BLMH: variants seen among roughly 807,000 people sequenced by gnomAD.
BLMH encodes the protein BLM hydrolase.
BLMH carries 32 observed loss-of-function variants against 61.6 expected under a neutral mutation model. The ratio of observed to expected loss-of-function variants is 0.52; its 90% CI spans 0.39 to 0.70. The LOEUF is 0.70. Among genes scored for constraint, BLMH ranks in the 30% least tolerant of loss-of-function variants. The probability of loss-of-function intolerance (pLI) is 0.00; values close to 1 mark genes in which losing one functional copy is unlikely to be tolerated. For missense variants in BLMH, 460 were observed against 555.5 expected, an observed-to-expected ratio of 0.83 and a Z score of 1.73; for synonymous variants, 183 against 193.8, an observed-to-expected ratio of 0.94 and a Z score of 0.46.
In BLMH at chr17:30,285,493, C is replaced by A; in HGVS notation, c.553-13G>T. 1 of 1,590,556 alleles carries A rather than the reference C, an allele frequency of 6.3e-7. No homozygotes were observed. The highest frequency in any genetic ancestry group is 1.1e-5 in the South Asian group (1 of 88,108). On this transcript the variant is annotated splice_polypyrimidine_tract_variant and intron_variant, in intron 5 of 11. Transcript: ENST00000261714. ...AGAATTCTCTCATCTATGACAGAAA[C>A]TTATTCAGCACTCCAACAGTTACCC...
At chr17:30,256,189 C>T (rs948283406) in intron 11 of BLMH, among the ~76,000 whole-genome samples, 1 of 152,272 alleles carries the variant, frequency 6.6e-6, no homozygotes, top group Admixed American at 6.5e-5. Context: ...ACCTAGCCCT[C>T]TGCGCATTTT....
At chr17:30,250,900 G>A (rs1907652019) in intron 11 of BLMH, among the ~76,000 whole-genome samples, 1 of 152,068 alleles carries the variant, frequency 6.6e-6, no homozygotes, top group South Asian at 2.1e-4. Context: ...TATTATACTC[G>A]GCCATAAAAA....
At position 30,285,443 on chromosome 17, in the gene BLMH, T is replaced by C. The variant is rs1306854070; in HGVS notation, c.590A>G (p.His197Arg). The change falls in exon 6 of 12, where the codon CAC becomes CGC. Residue 197 changes from histidine (H) to arginine (R), a missense_variant. By Grantham distance (29) the His-to-Arg change is conservative. Coordinates refer to ENST00000261714, the MANE Select transcript of BLMH (RefSeq NM_000386.4). ...GATTTCTCCTTTGGTTGCTCCACTG[T>C]GTACCAGGTTCCGCAGTCGTATACA... ...EFCIRLRNLV[H>R]SGATKGEISA... 1 of 1,613,160 alleles carries C rather than the reference T, an allele frequency of 6.2e-7. No homozygotes were observed. Among genetic ancestry groups the C allele is most frequent in the Non-Finnish European group, 8.5e-7 (1 of 1,179,512 alleles).
chr17:30,267,271 T>C (rs1363803412), intron 10 of BLMH, among the ~76,000 whole-genome samples: 1 of 152,222 alleles, frequency 6.6e-6, no homozygotes, highest in Non-Finnish European at 1.5e-5. Flanking sequence ...AAATGCTACT[T>C]GACTAAGAAA....
intron 11 of BLMH, among the ~76,000 whole-genome samples, chr17:30,253,538 G>A (rs535706797): frequency 3.3e-5 from 5 of 152,134 alleles, no homozygotes; most frequent in Non-Finnish European, 7.4e-5. Context: ...AGAAGATTAG[G>A]ATCAGTGTGT....
intron 9 of BLMH, among the ~76,000 whole-genome samples, chr17:30,272,022 A>G (rs1217675215): frequency 6.6e-6 from 1 of 152,190 alleles, no homozygotes; most frequent in Non-Finnish European, 1.5e-5. Flanking sequence ...TCAACTTCCT[A>G]CAAGTAACAA....
intron 6 of BLMH, among the ~76,000 whole-genome samples, chr17:30,275,035 G>C (rs1445021921): frequency 6.8e-6 from 1 of 146,312 alleles, no homozygotes; most frequent in Non-Finnish European, 1.5e-5. Context: ...GCTGAGTCAT[G>C]GTTTAAAAAA....
intron 11 of BLMH, among the ~76,000 whole-genome samples, chr17:30,254,536 T>A (rs1907762153): frequency 6.6e-6 from 1 of 151,958 alleles, no homozygotes; most frequent in Admixed American, 6.6e-5. Flanking sequence ...TGATAAAAAA[T>A]AGATTAGAGT....
intron 11 of BLMH, among the ~76,000 whole-genome samples, chr17:30,265,966 G>T (rs1045667868): frequency 2.0e-5 from 3 of 152,062 alleles, no homozygotes; most frequent in African/African-American, 7.3e-5. Flanking sequence ...GATTATTAGA[G>T]ACTTTTTATC....
At chr17:30,281,908 C>A (rs113469539) in intron 6 of BLMH, among the ~76,000 whole-genome samples, 9 of 152,210 alleles carry the variant, frequency 5.9e-5, no homozygotes, top group Admixed American at 1.3e-4. Context: ...TCCAGGGAAA[C>A]TGACTTTGTG....
At chr17:30,275,326 C>T (rs963662438) in intron 6 of BLMH, among the ~76,000 whole-genome samples, 10 of 152,240 alleles carry the variant, frequency 6.6e-5, no homozygotes, top group African/African-American at 1.9e-4. Flanking sequence ...AACATCATTA[C>T]GATCCAAGGA....
chr17:30,273,918 A>G (rs1908347743), intron 7 of BLMH, 124 bp downstream of exon 7: 1 of 1,231,652 alleles, frequency 8.1e-7, no homozygotes, highest in Non-Finnish European at 1.2e-6. Flanking sequence ...GGAAGTGGGG[A>G]AAAATGTTTG....
At chr17:30,253,657 G>A (rs1907733169) in intron 11 of BLMH, among the ~76,000 whole-genome samples, 1 of 152,046 alleles carries the variant, frequency 6.6e-6, no homozygotes, top group Admixed American at 6.6e-5. Flanking sequence ...CTGGCCGTGA[G>A]ACACAAGCAT....
intron 11 of BLMH, among the ~76,000 whole-genome samples, chr17:30,250,539 C>A (rs1250104514): frequency 6.6e-6 from 1 of 152,156 alleles, no homozygotes; most frequent in East Asian, 1.9e-4. Context: ...CAATGTGATA[C>A]CACCTTACTC....
chr17:30,291,318 C>G lies in BLMH; in HGVS notation c.204G>C (p.Lys68Asn). 1 of 1,612,118 alleles carries G rather than the reference C, an allele frequency of 6.2e-7. No individual in the cohort carries two copies. Among genetic ancestry groups the G allele is most frequent in the Non-Finnish European group, 8.5e-7 (1 of 1,179,854 alleles). ...PQEGKPITNQ[K>N]SSGRCWIFSC... ...AGAAGTGGAAGCCCACACCTGAGCT[C>G]TTCTGGTTGGTGATTGGCTTGCCCT... Residue 68 changes from lysine to asparagine, a missense_variant, in exon 2 of 12, where the codon AAG becomes AAC. By Grantham distance (94) the Lys-to-Asn change is moderately conservative. Coordinates refer to ENST00000261714, the MANE Select transcript of BLMH (RefSeq NM_000386.4).
intron 11 of BLMH, among the ~76,000 whole-genome samples, chr17:30,262,293 A>G (rs1349706433): frequency 6.6e-6 from 1 of 152,208 alleles, no homozygotes; most frequent in Non-Finnish European, 1.5e-5. Context: ...TAAGTGAACC[A>G]ATCACAAAGA....
Position 30,268,704 on chromosome 17 carries a change from TTTTG to T in BLMH, c.1147-1754_1147-1751del, listed in dbSNP as rs201174210. On this transcript the variant is annotated intron_variant, in intron 10 of 11. Transcript: ENST00000261714. ...TGAATTTTTCTTGGAAATTACAAGT[TTTTG>T]TTTGTTTGTTTTTTTAAAAACAAAC... Among the ~76,000 whole-genome samples the T allele has an allele frequency of 8.4e-3, 1,263 of 150,552 alleles. 30 individuals are homozygous for T. The highest frequency in any genetic ancestry group is 0.046 in the Admixed American group (704 of 15,222).
chr17:30,266,544 A>G lies in BLMH; in HGVS notation c.1216+341T>C, dbSNP rs540971547. On this transcript the variant is annotated intron_variant, in intron 11 of 11. Transcript: ENST00000261714. ...TGTCCAAAAAAAAAAAAAAAGAAAA[A>G]AAAAAGAAAAAGAAAATGCATCAAA... 8.6e-5 allele frequency among the ~76,000 whole-genome samples: 13 copies of G among 152,022 alleles called. No individual in the cohort carries two copies. The East Asian group carries it at 2.3e-3, about 27-fold the overall frequency.
intron 5 of BLMH, among the ~76,000 whole-genome samples, chr17:30,285,740 T>C (rs1908709508): frequency 6.6e-6 from 1 of 152,180 alleles, no homozygotes; most frequent in Non-Finnish European, 1.5e-5. Flanking sequence ...CGCATAAAGG[T>C]GTTTTATGTG....
Sources: allele counts gnomAD v4.1 joint callset (sites outside exome capture counted in the v4.1 genomes callset), GRCh38; gene constraint gnomAD v4.1.1; transcripts MANE v1.5; gene names NCBI Gene and HGNC (gene_info 2026-07-23, HGNC 2026-07-21).